The following RPS6KA2 variants were observed in gnomAD, a reference collection of about 807,000 sequenced individuals.
The protein encoded by RPS6KA2 is ribosomal protein S6 kinase alpha-2.
A neutral mutation model predicts 91.8 loss-of-function variants in RPS6KA2; 42 were observed. The observed-to-expected ratio is 0.46, with a 90% CI of 0.36 to 0.59. RPS6KA2 has a LOEUF of 0.59. Ranked by LOEUF, RPS6KA2 falls within the 20% of genes least tolerant of loss-of-function variation. RPS6KA2 has a pLI of 0.00. For missense variants in RPS6KA2, 798 were observed against 978.5 expected, an observed-to-expected ratio of 0.82 and a Z score of 2.46; for synonymous variants, 414 against 393.6, an observed-to-expected ratio of 1.05 and a Z score of -0.61.
intron 3 of RPS6KA2, among the ~76,000 whole-genome samples, chr6:166,530,895 C>T (rs944944721): frequency 1.3e-5 from 2 of 152,220 alleles, no homozygotes; most frequent in Admixed American, 6.5e-5. Flanking sequence ...GTCGGCCTGC[C>T]GGTATCGAGG....
At chr6:166,551,532 A>T (rs2128500902) in intron 1 of RPS6KA2, among the ~76,000 whole-genome samples, 1 of 152,352 alleles carries the variant, frequency 6.6e-6, no homozygotes, top group Admixed American at 6.5e-5. Context: ...GTCAGAGGTA[A>T]CGTGCAGATC....
chr6:166,771,361 C>T (rs1385598714), intron 2 of RPS6KA2, among the ~76,000 whole-genome samples: 3 of 152,150 alleles, frequency 2.0e-5, no homozygotes, highest in Non-Finnish European at 2.9e-5. Flanking sequence ...ATCTGTAATA[C>T]GCTCGCATAC....
intron 3 of RPS6KA2, among the ~76,000 whole-genome samples, chr6:166,525,258 T>A (rs1050727580): frequency 6.6e-6 from 1 of 152,218 alleles, no homozygotes; most frequent in Non-Finnish European, 1.5e-5. Context: ...ATGCATTATA[T>A]AGAACGGTTA....
chr6:166,462,323 T>G (rs1446227819), intron 11 of RPS6KA2, among the ~76,000 whole-genome samples: 1 of 152,102 alleles, frequency 6.6e-6, no homozygotes, highest in Non-Finnish European at 1.5e-5. Context: ...TTCTCCCTCC[T>G]CGTCCACCGA....
In RPS6KA2 at chr6:166,840,971, A is replaced by G. The variant is rs572572914; in HGVS notation, c.123+17229T>C. 1.3e-4 allele frequency among the ~76,000 whole-genome samples: 20 copies of G among 152,032 alleles called. 1 individual carries two copies. The South Asian group carries it at 1.7e-3, about 13-fold the overall frequency. ...AGAGCGAAACTTTGTCTAAAGAAAA[A>G]AAAAGAAAAAAGAAAAAAAGAAAGC... is the stretch of plus-strand genomic sequence containing the variant. On this transcript the variant is annotated intron_variant, in intron 2 of 21. Transcript: ENST00000503859.
chr6:166,479,161 C>T (rs532402409), intron 10 of RPS6KA2, among the ~76,000 whole-genome samples: 1 of 152,196 alleles, frequency 6.6e-6, no homozygotes, highest in Admixed American at 6.5e-5. Context: ...GGCATTTGTG[C>T]GCGTCTGGGC....
chr6:166,621,093 G>A (rs1407639026), intron 1 of RPS6KA2, among the ~76,000 whole-genome samples: 2 of 152,202 alleles, frequency 1.3e-5, no homozygotes, highest in African/African-American at 2.4e-5. Flanking sequence ...GGGAGCATTC[G>A]CCGAATGGAA....
rs748004027 is a variant in RPS6KA2, at chr6:166,490,797, C to T, written c.748-56G>A. 1.7e-4 allele frequency: 231 copies of T among 1,345,664 alleles called. No individual in the cohort carries two copies. The highest frequency in any genetic ancestry group is 3.6e-4 in the Middle Eastern group (2 of 5,568). 83.4% of individuals were successfully genotyped at this position (1,345,664 alleles called of 1,614,324 possible). A position where few individuals can be genotyped will look rare whatever the true frequency, so the allele number is the denominator to read the frequency against. ...ATTCATCCAGATGGACCCGGCTTCA[C>T]GGCAGAGTACCCCAGCAGGGCAGCC... On this transcript the variant is annotated intron_variant, in intron 8 of 20. Transcript: ENST00000265678. This position sits in a 1 kb window ranked among gnomAD's most constrained non-coding sequence, Gnocchi z 4.2.
In RPS6KA2 at chr6:166,492,392, G is replaced by A. The variant is rs1490460468; in HGVS notation, c.748-1651C>T. 2.6e-5 allele frequency among the ~76,000 whole-genome samples: 4 copies of A among 152,328 alleles called. No homozygotes were observed. In the East Asian group the frequency reaches 5.8e-4, roughly 22 times the overall value. ...GGCCAGAATGCTCTGACTGGCAGATGAGCTGTTTGTCTGGTAAAACAGGAT... is the reference window on the plus strand; with the variant it reads ...GGCCAGAATGCTCTGACTGGCAGATAAGCTGTTTGTCTGGTAAAACAGGAT... On this transcript the variant is annotated intron_variant, in intron 8 of 20. Transcript: ENST00000265678.
chr6:166,676,493 C>T (rs978872193), intron 2 of RPS6KA2, among the ~76,000 whole-genome samples: 1 of 152,210 alleles, frequency 6.6e-6, no homozygotes, highest in African/African-American at 2.4e-5. Context: ...TCTAGCGGCT[C>T]GGCTCCCTAT....
chr6:166,833,207 C>T (rs1302089710), intron 2 of RPS6KA2, among the ~76,000 whole-genome samples: 2 of 152,116 alleles, frequency 1.3e-5, no homozygotes, highest in Admixed American at 6.6e-5. Flanking sequence ...AGACTCACAG[C>T]CAGGTGATCT....
At chr6:166,458,575 C>T (rs1164780395) in intron 12 of RPS6KA2, among the ~76,000 whole-genome samples, 1 of 152,064 alleles carries the variant, frequency 6.6e-6, no homozygotes, top group Non-Finnish European at 1.5e-5. Context: ...AGTGTGGGGC[C>T]CTAATCCAAG....
chr6:166,824,002 T>A (rs375070502), intron 2 of RPS6KA2, among the ~76,000 whole-genome samples: 1 of 152,300 alleles, frequency 6.6e-6, no homozygotes, highest in African/African-American at 2.4e-5. Context: ...TCCATGTGAA[T>A]TCCATTCAAT....
At position 166,732,299 on chromosome 6, in the gene RPS6KA2, T is replaced by C. The variant is rs1161824566; in HGVS notation, c.123+125901A>G. On this transcript the variant is annotated intron_variant, in intron 2 of 21. Coordinates refer to the RPS6KA2 transcript ENST00000503859. This position sits in a 1 kb window ranked among gnomAD's most constrained non-coding sequence, Gnocchi z 4.0. ...GATAAAAATACAATTTAGAAGTATGTCTTTCCATTGGGATGAAGCATTCTC... is the reference window on the plus strand; with the variant it reads ...GATAAAAATACAATTTAGAAGTATGCCTTTCCATTGGGATGAAGCATTCTC... Among the ~76,000 whole-genome samples, 1 of 152,206 alleles carries C rather than the reference T, an allele frequency of 6.6e-6. No homozygotes were observed. Among genetic ancestry groups the C allele is most frequent in the African/African-American group, 2.4e-5 (1 of 41,450 alleles).
intron 2 of RPS6KA2, among the ~76,000 whole-genome samples, chr6:166,672,873 G>A (rs1447163924): frequency 6.6e-6 from 1 of 152,228 alleles, no homozygotes. Flanking sequence ...AAGAGAGGCA[G>A]TTGCCGTAAG....
At chr6:166,833,225 G>T (rs1780231424) in intron 2 of RPS6KA2, among the ~76,000 whole-genome samples, 1 of 152,208 alleles carries the variant, frequency 6.6e-6, no homozygotes, top group East Asian at 1.9e-4. Flanking sequence ...TCTGATGGAA[G>T]AAACCATTCT....
At chr6:166,577,956 T>C (rs1308699398) in intron 1 of RPS6KA2, among the ~76,000 whole-genome samples, 2 of 152,214 alleles carry the variant, frequency 1.3e-5, no homozygotes, top group Non-Finnish European at 2.9e-5. Context: ...GTTCTCATGA[T>C]AGTGAATATG....
intron 2 of RPS6KA2, among the ~76,000 whole-genome samples, chr6:166,805,752 CTCAT>C (rs753508163): frequency 6.6e-6 from 1 of 152,072 alleles, no homozygotes; most frequent in Non-Finnish European, 1.5e-5. Context: ...GAAAATAAGG[CTCAT>C]TCAAAGGAAA....
At chr6:166,559,243 C>G (rs1784267677) in intron 1 of RPS6KA2, among the ~76,000 whole-genome samples, 2 of 152,060 alleles carry the variant, frequency 1.3e-5, no homozygotes, top group Admixed American at 1.3e-4. Context: ...CTGTAGTGGG[C>G]AGTGTGGGAA....
Sources: allele counts gnomAD v4.1 joint callset (sites outside exome capture counted in the v4.1 genomes callset), GRCh38; gene constraint gnomAD v4.1.1; non-coding constraint Gnocchi (gnomAD v3.1); transcripts MANE v1.5; gene names NCBI Gene and HGNC (gene_info 2026-07-23, HGNC 2026-07-21).